The following MAP3K5 variants were observed in gnomAD, a reference collection of about 807,000 sequenced individuals.
MAP3K5 encodes ASK-1.
In MAP3K5, 56 loss-of-function variants were observed where a neutral mutation model predicts 158.7. The ratio of observed to expected loss-of-function variants is 0.35; its 90% CI spans 0.28 to 0.44. The LOEUF (loss-of-function observed/expected upper bound fraction) is 0.44. Ranked by LOEUF, MAP3K5 falls within the 20% of genes least tolerant of loss-of-function variation. The pLI is 1.00. For missense variants in MAP3K5, 1,294 were observed against 1,674.8 expected, an observed-to-expected ratio of 0.77 and a Z score of 3.97; for synonymous variants, 579 against 601.7, an observed-to-expected ratio of 0.96 and a Z score of 0.55.
chr6:136,601,674 G>T, intron 20 of MAP3K5, 128 bp downstream of exon 20: 1 of 803,104 alleles, frequency 1.2e-6, no homozygotes, highest in South Asian at 1.9e-5. Flanking sequence ...TGAGAACACT[G>T]TGCTAATATT....
rs898124562 is a variant in MAP3K5 at position 136,610,847 on chromosome 6, G to A, written c.2521+435C>T. Among the ~76,000 whole-genome samples the A allele has an allele frequency of 5.9e-5, 9 of 152,042 alleles. No homozygotes were observed. The South Asian group carries it at 1.5e-3, about 25-fold the overall frequency. On this transcript the variant is annotated intron_variant, in intron 18 of 29. Coordinates refer to ENST00000359015, the MANE Select transcript of MAP3K5 (RefSeq NM_005923.4). ...ACATTGGCCAGGCGCAGTGGCTCAC[G>A]CCTGTAATCCCAACACTTTTGGAGG...
At position 136,720,492 on chromosome 6, in the gene MAP3K5, GATGAT is replaced by G; in HGVS notation, c.541_545del (p.Ile181ProfsTer4). 9 of 1,613,316 alleles carry G rather than the reference GATGAT, an allele frequency of 5.6e-6. No individual in the cohort carries two copies. The highest frequency in any genetic ancestry group is 7.6e-6 in the Non-Finnish European group (9 of 1,179,576). ...AGTCCGAGTTAGTATCACAGTAGAGGATGATGTTGTTGGCCATGCTGAAACTTTCT... is the reference window on the plus strand; with the variant it reads ...AGTCCGAGTTAGTATCACAGTAGAGGGTTGTTGGCCATGCTGAAACTTTCT... On this transcript the variant is annotated frameshift_variant, in exon 2 of 30. Transcript: ENST00000359015. LOFTEE classifies it high-confidence loss of function.
At chr6:136,569,054 C>T (rs932126183) in intron 25 of MAP3K5, among the ~76,000 whole-genome samples, 2 of 151,998 alleles carry the variant, frequency 1.3e-5, no homozygotes, top group African/African-American at 4.8e-5. Context: ...GGAGTTTAGG[C>T]ACAACTGACC....
chr6:136,584,762 A>G (rs917435050), intron 23 of MAP3K5, among the ~76,000 whole-genome samples: 2 of 152,168 alleles, frequency 1.3e-5, no homozygotes, highest in African/African-American at 2.4e-5. Context: ...AGCCAGAGAA[A>G]AGATGTGCAA....
chr6:136,685,149 CAA>C (rs113703763), intron 7 of MAP3K5, among the ~76,000 whole-genome samples: 4 of 144,760 alleles, frequency 2.8e-5, no homozygotes, highest in Admixed American at 1.4e-4. Flanking sequence ...CTTGTCTCTG[CAA>C]AAAAAAAAAT....
At chr6:136,596,896 G>A (rs903748811) in intron 21 of MAP3K5, among the ~76,000 whole-genome samples, 1 of 152,154 alleles carries the variant, frequency 6.6e-6, no homozygotes, top group Non-Finnish European at 1.5e-5. Context: ...GGGGAGCACG[G>A]TGACAGTTTC....
intron 1 of MAP3K5, among the ~76,000 whole-genome samples, chr6:136,787,103 C>A (rs977536730): frequency 6.6e-6 from 1 of 152,136 alleles, no homozygotes; most frequent in African/African-American, 2.4e-5. Context: ...TGGCTCACAC[C>A]TGTAATCCCA....
At chr6:136,773,495 G>A (rs1044430294) in intron 1 of MAP3K5, among the ~76,000 whole-genome samples, 1 of 152,002 alleles carries the variant, frequency 6.6e-6, no homozygotes, top group African/African-American at 2.4e-5. Context: ...ACTGACCTTC[G>A]GACAAGCCCT....
chr6:136,741,169 C>A (rs942209086), intron 1 of MAP3K5, among the ~76,000 whole-genome samples: 19 of 151,982 alleles, frequency 1.3e-4, no homozygotes, highest in Middle Eastern at 6.8e-3. Flanking sequence ...GGTTGACAAC[C>A]CTCAAAAATA....
chr6:136,750,230 A>T (rs984977900), intron 1 of MAP3K5, among the ~76,000 whole-genome samples: 2 of 152,116 alleles, frequency 1.3e-5, no homozygotes, highest in Non-Finnish European at 2.9e-5. Flanking sequence ...GGCGTGCACG[A>T]GCACGCCTGG....
chr6:136,559,062 G>A (rs1050837322), intron 28 of MAP3K5, among the ~76,000 whole-genome samples, 186 bp from the exon 29 acceptor site: 3 of 152,160 alleles, frequency 2.0e-5, no homozygotes, highest in African/African-American at 7.2e-5. Flanking sequence ...ACAAAGAAAT[G>A]CATCCAGGCC....
chr6:136,708,310 C>T (rs1446600146), intron 2 of MAP3K5, among the ~76,000 whole-genome samples: 3 of 151,754 alleles, frequency 2.0e-5, no homozygotes, highest in African/African-American at 7.3e-5. Context: ...GGCTGGAGTG[C>T]AGTGGCATGA....
At chr6:136,759,152 C>G (rs1783628026) in intron 1 of MAP3K5, among the ~76,000 whole-genome samples, 1 of 151,950 alleles carries the variant, frequency 6.6e-6, no homozygotes, top group South Asian at 2.1e-4. Context: ...GTCTGGGCAA[C>G]AGAGTGAGAT....
chr6:136,670,497 G>C (rs1175387719), intron 7 of MAP3K5, among the ~76,000 whole-genome samples: 1 of 151,962 alleles, frequency 6.6e-6, no homozygotes, highest in African/African-American at 2.4e-5. Context: ...AAAAGGTTAT[G>C]TGGGAAGAAA....
intron 8 of MAP3K5, among the ~76,000 whole-genome samples, chr6:136,667,776 TG>T (rs1779292079): frequency 6.6e-6 from 1 of 150,942 alleles, no homozygotes; most frequent in African/African-American, 2.4e-5. Context: ...ACCTAAGTCT[TG>T]GGGGTCGAGG....
chr6:136,658,896 T>G (rs144655769), intron 9 of MAP3K5, among the ~76,000 whole-genome samples: 102 of 152,322 alleles, frequency 6.7e-4, no homozygotes, highest in African/African-American at 2.2e-3. Context: ...AAATGTGGTC[T>G]CAGGCCCCGA....
chr6:136,664,558 T>C (rs1457279658), intron 8 of MAP3K5, among the ~76,000 whole-genome samples: 1 of 152,148 alleles, frequency 6.6e-6, no homozygotes, highest in Non-Finnish European at 1.5e-5. Context: ...TGTAACTTCT[T>C]GGGATTATTT....
At chr6:136,697,945 A>T (rs1198808128) in intron 4 of MAP3K5, among the ~76,000 whole-genome samples, 1 of 152,190 alleles carries the variant, frequency 6.6e-6, no homozygotes, top group African/African-American at 2.4e-5. Context: ...GGGTTTCGGC[A>T]TGTTGGCCAG....
chr6:136,744,439 C>T (rs1782846586), intron 1 of MAP3K5, among the ~76,000 whole-genome samples: 2 of 152,100 alleles, frequency 1.3e-5, no homozygotes, highest in South Asian at 4.1e-4. Context: ...AGTCTCTGTT[C>T]ATGGTGTCAG....
Sources: allele counts gnomAD v4.1 joint callset (sites outside exome capture counted in the v4.1 genomes callset), GRCh38; gene constraint gnomAD v4.1.1; transcripts MANE v1.5; gene names NCBI Gene and HGNC (gene_info 2026-07-23, HGNC 2026-07-21).